RANBP2: variants seen among roughly 807,000 people sequenced by gnomAD.
RANBP2 encodes the protein E3 SUMO-protein ligase RanBP2.
A neutral mutation model predicts 303.6 loss-of-function variants in RANBP2; 57 were observed. The observed-to-expected ratio is 0.19, with a 90% CI of 0.15 to 0.23. The LOEUF is 0.23. Among genes scored for constraint, RANBP2 ranks in the 10% least tolerant of loss-of-function variants. The pLI is 1.00. For missense variants in RANBP2, 3,138 were observed against 3,780.8 expected (o/e 0.83, Z 4.46); for synonymous variants, 1,167 against 1,301.5 (o/e 0.90, Z 2.23).
the RANBP2 span, among the ~76,000 whole-genome samples, chr2:109,094,162 T>C: frequency 6.6e-6 from 1 of 152,054 alleles, no homozygotes; most frequent in South Asian, 2.1e-4. Context: ...ACCTAGAAAA[T>C]ATGGAAACAT....
the RANBP2 span, among the ~76,000 whole-genome samples, chr2:109,014,997 G>C: frequency 1.3e-5 from 2 of 151,896 alleles, no homozygotes; most frequent in Admixed American, 1.3e-4. Context: ...GCACATGCCT[G>C]TAATCCCAGC....
the RANBP2 span, among the ~76,000 whole-genome samples, chr2:109,352,277 C>T: frequency 5.3e-5 from 8 of 152,156 alleles, no homozygotes; most frequent in African/African-American, 1.9e-4. Context: ...TATGTTAGCC[C>T]AGAATACTCG....
At chr2:109,542,629 C>A in the RANBP2 span, among the ~76,000 whole-genome samples, 2 of 152,342 alleles carry the variant, frequency 1.3e-5, no homozygotes, top group East Asian at 3.8e-4. Flanking sequence ...CCTCAGGTCA[C>A]CTACCCTCCA....
the RANBP2 span, among the ~76,000 whole-genome samples, chr2:109,001,794 A>G: frequency 2.0e-5 from 3 of 152,100 alleles, no homozygotes; most frequent in Non-Finnish European, 4.4e-5. Context: ...GCAGAGGCGC[A>G]ATCTCGGCTC....
At chr2:109,679,751 A>T in the RANBP2 span, among the ~76,000 whole-genome samples, 1 of 152,202 alleles carries the variant, frequency 6.6e-6, no homozygotes, top group African/African-American at 2.4e-5. Context: ...TTCCTGACCT[A>T]CTCAAACAGA....
the RANBP2 span, among the ~76,000 whole-genome samples, chr2:109,297,056 C>G: frequency 1.3e-5 from 2 of 152,094 alleles, no homozygotes; most frequent in East Asian, 3.9e-4. Context: ...GTGGGGCCAA[C>G]TAGACTGCAG....
At chr2:109,091,477 T>A in the RANBP2 span, among the ~76,000 whole-genome samples, 1 of 152,156 alleles carries the variant, frequency 6.6e-6, no homozygotes, top group African/African-American at 2.4e-5. Flanking sequence ...TGAGTAATAA[T>A]AAAACTCCAG....
the RANBP2 span, among the ~76,000 whole-genome samples, chr2:109,064,836 T>C: frequency 2.0e-5 from 3 of 152,166 alleles, no homozygotes. Context: ...CCAGTCCTGT[T>C]TGACACTTTT....
chr2:109,593,187 A>G, the RANBP2 span: 18 of 1,016,194 alleles, frequency 1.8e-5, no homozygotes, highest in South Asian at 2.5e-4. Context: ...TTATCTGAAT[A>G]ATATATTTAC....
the RANBP2 span, among the ~76,000 whole-genome samples, chr2:109,394,212 A>G: frequency 3.9e-5 from 6 of 152,236 alleles, no homozygotes; most frequent in Non-Finnish European, 7.3e-5. Context: ...AGAAAATCAC[A>G]TCTAACCTAA....
At chr2:108,789,044 ATTT>A (rs1679462475), downstream of RANBP2, 1 of 1,511,358 alleles carries the variant, frequency 6.6e-7, no homozygotes, top group Non-Finnish European at 9.1e-7. Flanking sequence ...GGCAGGTTAT[ATTT>A]TTGCTCTTTC....
downstream of RANBP2, chr2:108,788,204 A>G (rs1434618924): frequency 9.7e-7 from 1 of 1,026,004 alleles, no homozygotes; most frequent in African/African-American, 1.7e-5. Context: ...GAATCACCTG[A>G]GGTCAGGAGT....
the RANBP2 span, chr2:109,553,266 C>T: frequency 5.6e-6 from 9 of 1,600,520 alleles, no homozygotes; most frequent in Middle Eastern, 1.8e-4. Context: ...TGATATAGGT[C>T]GGGTATGGCG....
At chr2:109,287,964 T>C in the RANBP2 span, among the ~76,000 whole-genome samples, 21 of 152,366 alleles carry the variant, frequency 1.4e-4, no homozygotes, top group African/African-American at 4.6e-4. Context: ...AGAGAAAGGT[T>C]CAAGTTCTTA....
At chr2:109,229,242 A>G in the RANBP2 span, among the ~76,000 whole-genome samples, 1 of 152,126 alleles carries the variant, frequency 6.6e-6, no homozygotes, top group African/African-American at 2.4e-5. Context: ...TTTTTAGTAC[A>G]CTTCTTATTT....
At chr2:109,583,051 G>T in the RANBP2 span, among the ~76,000 whole-genome samples, 2 of 152,210 alleles carry the variant, frequency 1.3e-5, no homozygotes, top group Admixed American at 6.5e-5. Flanking sequence ...AGACTGAAAT[G>T]TAAGACCTCA....
At chr2:109,051,673 G>T in the RANBP2 span, among the ~76,000 whole-genome samples, 4 of 151,954 alleles carry the variant, frequency 2.6e-5, no homozygotes, top group African/African-American at 9.7e-5. Flanking sequence ...AGGAAAAAGG[G>T]CATTTGGCTG....
chr2:108,989,021 G>C, the RANBP2 span: 3 of 152,340 alleles, frequency 2.0e-5, no homozygotes, highest in East Asian at 5.8e-4. Context: ...AGAAAGTCAG[G>C]TACCATCCAG....
At chr2:108,735,190 G>A (rs549866601) in intron 4 of RANBP2, among the ~76,000 whole-genome samples, 2 of 152,300 alleles carry the variant, frequency 1.3e-5, no homozygotes, top group African/African-American at 4.8e-5. Flanking sequence ...ATACAGAGCA[G>A]TTTGAACATA....
Sources: allele counts gnomAD v4.1 joint callset (sites outside exome capture counted in the v4.1 genomes callset), GRCh38; gene constraint gnomAD v4.1.1; transcripts MANE v1.5; gene names NCBI Gene and HGNC (gene_info 2026-07-23, HGNC 2026-07-21).